The following APOB variants were observed in gnomAD, a reference collection of about 807,000 sequenced individuals.
The protein encoded by APOB is apolipoprotein B-100.
A neutral mutation model predicts 314.1 loss-of-function variants in APOB; 153 were observed. The observed-to-expected ratio is 0.49, with a 90% CI of 0.43 to 0.56. The LOEUF is 0.56. Ranked by LOEUF, APOB falls within the 20% of genes least tolerant of loss-of-function variation. APOB has a pLI of 0.00. For missense variants in APOB, 5,430 were observed against 5,350.7 expected (o/e 1.01, Z -0.46); for synonymous variants, 2,087 against 2,036.4 (o/e 1.02, Z -0.67).
chr2:21,029,497 A>G (rs200662189), intron 12 of APOB, 142 bp downstream of exon 12: 27 of 218,200 alleles, frequency 1.2e-4, no homozygotes, highest in South Asian at 3.2e-4. Context: ...GGGAGGGAGG[A>G]AGGAAGGAAG....
chr2:21,027,847 G>C lies in APOB; in HGVS notation c.2048C>G (p.Ala683Gly). ...ACTTACCTCGATGAGGTCAGCTGAAGCAAATCCAAAGGCAGTGAGGGTAGT... is the reference window on the plus strand; with the variant it reads ...ACTTACCTCGATGAGGTCAGCTGAACCAAATCCAAAGGCAGTGAGGGTAGT... ...LKTTLTAFGFASADLIEIGLE... is the reference protein window; with the variant it reads ...LKTTLTAFGFGSADLIEIGLE... Residue 683 changes from alanine to glycine, a missense_variant, in exon 14 of 29, where the codon GCT becomes GGT. Around this residue, in one of 3 missense-constraint regions of APOB, gnomAD observed 2,085 missense variants for 2,079.7 expected, o/e 1.00. Transcript: ENST00000233242. The C allele has an allele frequency of 6.2e-7, 1 of 1,613,760 alleles. No individual in the cohort carries two copies. Among genetic ancestry groups the C allele is most frequent in the Non-Finnish European group, 8.5e-7 (1 of 1,179,648 alleles).
At chr2:21,034,955 T>C (rs900755575) in intron 7 of APOB, 54 bp from the exon 8 acceptor site, 5 of 919,666 alleles carry the variant, frequency 5.4e-6, no homozygotes, top group Non-Finnish European at 9.2e-6. Context: ...TACTATTCTT[T>C]CCATGTTGAA....
rs1202234273 is a variant in APOB, at chr2:21,002,767, T to C, written c.12655A>G (p.Met4219Val). Residue 4219 changes from methionine to valine, a missense_variant, in exon 29 of 29, where the codon ATG becomes GTG. Physicochemically the swap from Met to Val is conservative, Grantham distance 21. Transcript: ENST00000233242. The stretch of plus-strand genomic sequence containing the variant: ...ACCGTCCCTACCTCCCTTATGAACA[T>C]AGTGCAAAGTTCCTCCCTAGTGTAT... ...GIYTREELCT[M>V]FIREVGTVLS... The C allele has an allele frequency of 6.2e-7, 1 of 1,608,102 alleles. No individual in the cohort carries two copies. The highest frequency in any genetic ancestry group is 1.1e-5 in the South Asian group (1 of 90,280).
rs1242331221 is a variant in APOB, at chr2:21,022,823, A to T, written c.2816+8T>A. 9 of 1,613,794 alleles carry T rather than the reference A, an allele frequency of 5.6e-6. No individual in the cohort carries two copies. Among genetic ancestry groups the T allele is most frequent in the Non-Finnish European group, 7.6e-6 (9 of 1,179,868 alleles). ...AACTGGCTAGGCAGACTTGGCTGAAAGAATTACCCTCCACTGAGCAGCTTG... is the reference window on the plus strand; with the variant it reads ...AACTGGCTAGGCAGACTTGGCTGAATGAATTACCCTCCACTGAGCAGCTTG... On this transcript the variant is annotated splice_region_variant and intron_variant, in intron 18 of 28. Transcript: ENST00000233242.
chr2:21,038,522 A>G (rs1490978006), intron 4 of APOB, among the ~76,000 whole-genome samples: 3 of 152,068 alleles, frequency 2.0e-5, no homozygotes. Flanking sequence ...TTTTTAGTAG[A>G]GACAGTTTTC....
rs373251374 is a variant in APOB at position 21,028,540 on chromosome 2, T to G, written c.1618-2A>C. ...AGTCTGAAGAAGAACCTCCTGGTCC[T>G]GCAGTCAAAAGAGGAGATGGTTATC... On this transcript the variant is annotated splice_acceptor_variant, in intron 12 of 28. Transcript: ENST00000233242. LOFTEE classifies it high-confidence loss of function. 7 of 1,607,438 alleles carry G rather than the reference T, an allele frequency of 4.4e-6. No homozygotes were observed. The highest frequency in any genetic ancestry group is 1.1e-5 in the South Asian group (1 of 91,008).
intron 6 of APOB, among the ~76,000 whole-genome samples, chr2:21,036,466 C>G (rs1664005728): frequency 1.3e-5 from 2 of 152,182 alleles, no homozygotes; most frequent in Admixed American, 6.5e-5. Flanking sequence ...CTGAGACAGG[C>G]TGGGGCTCAT....
rs761355846 is a variant in APOB at position 21,004,363 on chromosome 2, G to A, written c.11993C>T (p.Ser3998Phe). 6.2e-7 allele frequency: 1 copy of A among 1,614,004 alleles called. No homozygotes were observed. The highest frequency in any genetic ancestry group is 8.5e-7 in the Non-Finnish European group (1 of 1,179,936). The change falls in exon 28 of 29, where the codon TCC becomes TTC. Residue 3998 changes from serine (S) to phenylalanine (F), a missense_variant. Ser to Phe is a radical substitution (Grantham distance 155). Transcript: ENST00000233242. Reference sequence around the variant, plus strand: ...TACGGCTGGGGAGGCTGCTGAGGTGGAGATGCCTTTCTTGTCTTTCTGGTA... The same window carrying A: ...TACGGCTGGGGAGGCTGCTGAGGTGAAGATGCCTTTCTTGTCTTTCTGGTA... ...LRYQKDKKGI[S>F]TSAASPAVGT...
chr2:21,025,258 G>A (rs2103372499), intron 15 of APOB, 134 bp from the exon 16 acceptor site: 1 of 822,398 alleles, frequency 1.2e-6, no homozygotes, highest in African/African-American at 1.7e-5. Context: ...GGGAGACACT[G>A]AAGTCCAGGC....
At chr2:21,039,956 T>A (rs1664091568) in intron 4 of APOB, among the ~76,000 whole-genome samples, 1 of 152,226 alleles carries the variant, frequency 6.6e-6, no homozygotes, top group Non-Finnish European at 1.5e-5. Context: ...TGATATGGTT[T>A]GGCTCTGCGT....
chr2:21,007,309 T>G lies in APOB; in HGVS notation c.9559A>C (p.Thr3187Pro). Residue 3187 changes from threonine to proline, a missense_variant, in exon 26 of 29, where the codon ACA becomes CCA. Physicochemically the swap from Thr to Pro is conservative, Grantham distance 38. Around this residue, in one of 3 missense-constraint regions of APOB, gnomAD observed 3,281 missense variants for 3,171.0 expected, o/e 1.03. Transcript: ENST00000233242. ...TCACAAAGCACAGCCAAAGGATTTG[T>G]GATGGAATGCCTGTGTTTGTTTTTC... is the stretch of plus-strand genomic sequence containing the variant. ...YKKNKHRHSITNPLAVLCEFI... is the reference protein window; with the variant it reads ...YKKNKHRHSIPNPLAVLCEFI... The G allele has an allele frequency of 6.2e-7, 1 of 1,614,032 alleles. No homozygotes were observed. Among genetic ancestry groups the G allele is most frequent in the Non-Finnish European group, 8.5e-7 (1 of 1,179,954 alleles).
chr2:21,031,525 C>T (rs1028537354), intron 10 of APOB, among the ~76,000 whole-genome samples: 1 of 152,094 alleles, frequency 6.6e-6, no homozygotes, highest in African/African-American at 2.4e-5. Flanking sequence ...GTGATGGATA[C>T]CCTGAAAGCC....
At chr2:21,014,966 A>T (rs1014995669) in intron 23 of APOB, 107 bp downstream of exon 23, 24 of 1,194,266 alleles carry the variant, frequency 2.0e-5, no homozygotes, top group Non-Finnish European at 3.0e-5. Context: ...GGGGGGAAGG[A>T]AGCATGCCTT....
chr2:21,023,777 G>A (rs573976236), intron 16 of APOB, 85 bp from the exon 17 acceptor site: 1 of 1,142,044 alleles, frequency 8.8e-7, no homozygotes, highest in African/African-American at 1.6e-5. Flanking sequence ...ACATTGGAGA[G>A]TAATTCCTCT....
chr2:21,025,447 G>A (rs530175397), intron 15 of APOB, among the ~76,000 whole-genome samples: 13 of 152,260 alleles, frequency 8.5e-5, no homozygotes, highest in African/African-American at 1.7e-4. Context: ...TCCCCCACCC[G>A]TTCCCTGCTT....
chr2:21,004,198 C>A, intron 28 of APOB, 71 bp downstream of exon 28: 4 of 1,543,622 alleles, frequency 2.6e-6, no homozygotes, highest in Non-Finnish European at 3.6e-6. Context: ...ATATTTGGTC[C>A]TGAATTAAAT....
chr2:21,018,914 A>G (rs1663535430), intron 20 of APOB, 78 bp downstream of exon 20: 1 of 1,607,960 alleles, frequency 6.2e-7, no homozygotes, highest in African/African-American at 1.3e-5. Context: ...AAATAGGTTA[A>G]ATTACATGTC....
Position 21,023,628 on chromosome 2 carries a change from T to C in APOB, c.2501A>G (p.Asn834Ser). Residue 834 changes from asparagine to serine, a missense_variant, in exon 17 of 29, where the codon AAT becomes AGT. Around this residue, in one of 3 missense-constraint regions of APOB, gnomAD observed 2,085 missense variants for 2,079.7 expected, o/e 1.00. Coordinates refer to ENST00000233242, the MANE Select transcript of APOB (RefSeq NM_000384.3). ...AGCTCCAGTGGGGAGTTCAAAGGCA[T>C]TCTCCATGAAGATGTAGTGAAGAAA... ...DFFLHYIFME[N>S]AFELPTGAGL... The C allele has an allele frequency of 6.2e-7, 1 of 1,614,160 alleles. No homozygotes were observed. Among genetic ancestry groups the C allele is most frequent in the Non-Finnish European group, 8.5e-7 (1 of 1,180,000 alleles).
intron 11 of APOB, 42 bp downstream of exon 11, chr2:21,029,856 T>A: frequency 6.2e-7 from 1 of 1,610,174 alleles, no homozygotes. Flanking sequence ...CCAGGAAAAG[T>A]GCTTCTGAAA....
Sources: allele counts gnomAD v4.1 joint callset (sites outside exome capture counted in the v4.1 genomes callset), GRCh38; gene constraint gnomAD v4.1.1; regional missense constraint gnomAD v4.1.1; transcripts MANE v1.5; gene names NCBI Gene and HGNC (gene_info 2026-07-23, HGNC 2026-07-21).